FGGY: variants seen among roughly 807,000 people sequenced by gnomAD.
The protein encoded by FGGY is FGGY carbohydrate kinase domain-containing protein.
A neutral mutation model predicts 71.3 loss-of-function variants in FGGY; 72 were observed. That is an observed-to-expected ratio of 1.01 (90% CI 0.84 to 1.23). The LOEUF is 1.23. FGGY is among the 50% of genes most tolerant of loss of function. The probability of loss-of-function intolerance (pLI) is 0.00; values close to 1 mark genes in which losing one functional copy is unlikely to be tolerated. For missense variants in FGGY, 668 were observed against 682.3 expected, an observed-to-expected ratio of 0.98 and a Z score of 0.23; for synonymous variants, 251 against 250.3, an observed-to-expected ratio of 1.00 and a Z score of -0.02.
chr1:59,350,358 A>T (rs565036490), intron 4 of FGGY, among the ~76,000 whole-genome samples: 4 of 152,176 alleles, frequency 2.6e-5, no homozygotes, highest in Non-Finnish European at 4.4e-5. Context: ...GAGCCATCAA[A>T]TGTACTATGC....
chr1:59,423,155 G>T (rs2065751404), intron 5 of FGGY, among the ~76,000 whole-genome samples: 1 of 152,156 alleles, frequency 6.6e-6, no homozygotes, highest in Middle Eastern at 3.2e-3. Context: ...TCCTTTACTG[G>T]ATTGTACCAG....
At chr1:59,360,523 C>T (rs1376388766) in intron 4 of FGGY, among the ~76,000 whole-genome samples, 2 of 152,100 alleles carry the variant, frequency 1.3e-5, no homozygotes, top group East Asian at 3.9e-4. Flanking sequence ...GGCTTTTTAC[C>T]TATTATCTGC....
chr1:59,460,280 G>C (rs7533447), intron 6 of FGGY, among the ~76,000 whole-genome samples: 68,697 of 151,958 alleles, frequency 0.45, 15,732 homozygotes, highest in Middle Eastern at 0.52. Flanking sequence ...CCCATGCCCA[G>C]GGAGCCTTGC....
At chr1:59,542,655 C>T (rs1203096447) in intron 7 of FGGY, among the ~76,000 whole-genome samples, 1 of 151,860 alleles carries the variant, frequency 6.6e-6, no homozygotes, top group Non-Finnish European at 1.5e-5. Context: ...GGGGTTTCTC[C>T]ATGTTGGTCA....
chr1:59,492,039 A>G (rs2093882601), intron 6 of FGGY, among the ~76,000 whole-genome samples: 1 of 152,154 alleles, frequency 6.6e-6, no homozygotes, highest in African/African-American at 2.4e-5. Context: ...GATAAAGCTA[A>G]TATCTCAAGT....
chr1:59,411,833 A>G (rs555011873), intron 5 of FGGY, among the ~76,000 whole-genome samples: 35 of 145,588 alleles, frequency 2.4e-4, no homozygotes, highest in African/African-American at 9.6e-4. Flanking sequence ...ATCTTTTTTA[A>G]GGCATTTTTG....
At chr1:59,340,212 C>T in intron 3 of FGGY, 143 bp downstream of exon 3, 2 of 627,820 alleles carry the variant, frequency 3.2e-6, no homozygotes, top group Non-Finnish European at 5.6e-6. Context: ...GATCATGTTG[C>T]AGAAGTCAAG....
At chr1:59,493,130 C>CACAAAA (rs3220800) in intron 6 of FGGY, among the ~76,000 whole-genome samples, 15 of 150,392 alleles carry the variant, frequency 1.0e-4, no homozygotes, top group Admixed American at 2.0e-4. Flanking sequence ...CACACACACA[C>CACAAAA]AAAACAGAAA....
intron 6 of FGGY, among the ~76,000 whole-genome samples, chr1:59,503,812 TC>T (rs1012118710): frequency 5.3e-5 from 8 of 151,878 alleles, no homozygotes; most frequent in African/African-American, 1.9e-4. Context: ...CCTGGTTAAC[TC>T]CCATAGCCCT....
At position 59,302,090 on chromosome 1, in the gene FGGY, T is replaced by G. The variant is rs572492185; in HGVS notation, c.-15+4940T>G. Among the ~76,000 whole-genome samples, 24 of 151,102 alleles carry G rather than the reference T, an allele frequency of 1.6e-4. No homozygotes were observed. The East Asian group carries it at 1.9e-3, about 12-fold the overall frequency. ...TAATGTGGTGAATTACATTTATTGG[T>G]TTTTTTTTCCAATGTTAAATCTTGT... is the stretch of plus-strand genomic sequence containing the variant. On this transcript the variant is annotated intron_variant, in intron 1 of 15. Coordinates refer to ENST00000303721, the MANE Select transcript of FGGY (RefSeq NM_018291.5).
chr1:59,310,436 A>C (rs2044108184), intron 1 of FGGY, among the ~76,000 whole-genome samples: 1 of 152,230 alleles, frequency 6.6e-6, no homozygotes, highest in African/African-American at 2.4e-5. Context: ...AGTCTATGTA[A>C]GAACAAATCA....
chr1:59,329,931 G>C (rs1248138529), intron 2 of FGGY, among the ~76,000 whole-genome samples: 3 of 152,166 alleles, frequency 2.0e-5, no homozygotes, highest in Non-Finnish European at 4.4e-5. Context: ...ATTGTAGAAA[G>C]TTCCATTGGA....
intron 1 of FGGY, among the ~76,000 whole-genome samples, chr1:59,297,374 C>T (rs2042100107): frequency 6.6e-6 from 1 of 152,198 alleles, no homozygotes; most frequent in African/African-American, 2.4e-5. Flanking sequence ...CATTTTTAGG[C>T]TAGTGTTGCT....
intron 4 of FGGY, among the ~76,000 whole-genome samples, chr1:59,347,300 T>C (rs1461077421): frequency 2.5e-4 from 34 of 134,148 alleles, no homozygotes; most frequent in African/African-American, 5.7e-4. Context: ...CCTGTGTCCA[T>C]GTGTTCTCAT....
chr1:59,389,719 A>G (rs529091527), intron 5 of FGGY, among the ~76,000 whole-genome samples: 1 of 152,270 alleles, frequency 6.6e-6, no homozygotes, highest in East Asian at 1.9e-4. Flanking sequence ...TGAAAGTTCT[A>G]ATTCCTCCAC....
At chr1:59,637,435 C>T (rs1395424378) in intron 10 of FGGY, among the ~76,000 whole-genome samples, 3 of 151,960 alleles carry the variant, frequency 2.0e-5, no homozygotes, top group Admixed American at 2.0e-4. Flanking sequence ...GGGTTTGAGA[C>T]CAGCCTGGCT....
upstream of FGGY, among the ~76,000 whole-genome samples, chr1:59,296,414 A>G (rs930222465): frequency 6.6e-6 from 1 of 152,216 alleles, no homozygotes; most frequent in Non-Finnish European, 1.5e-5. Context: ...TCTGACACAC[A>G]CACCCATCAG....
chr1:59,706,454 G>C (rs940482546), intron 14 of FGGY, among the ~76,000 whole-genome samples: 1 of 152,162 alleles, frequency 6.6e-6, no homozygotes, highest in East Asian at 1.9e-4. Context: ...AGTACTCAGG[G>C]AGCTACTAAT....
At chr1:59,633,034 G>A (rs184663090) in intron 10 of FGGY, among the ~76,000 whole-genome samples, 162 of 143,590 alleles carry the variant, frequency 1.1e-3, no homozygotes, top group African/African-American at 3.9e-3. Context: ...TTTTTGAGAC[G>A]GAGTCTCGCA....
Sources: allele counts gnomAD v4.1 joint callset (sites outside exome capture counted in the v4.1 genomes callset), GRCh38; gene constraint gnomAD v4.1.1; transcripts MANE v1.5; gene names NCBI Gene and HGNC (gene_info 2026-07-23, HGNC 2026-07-21).